GALNT2: variants seen among roughly 807,000 people sequenced by gnomAD.
GALNT2 encodes UDP-GalNAc:polypeptide N-acetylgalactosaminyltransferase 2.
In GALNT2, 31 loss-of-function variants were observed where a neutral mutation model predicts 81.4. That is an observed-to-expected ratio of 0.38 (90% confidence interval 0.29 to 0.51). The LOEUF is 0.51. Among genes scored for constraint, GALNT2 ranks in the 20% least tolerant of loss-of-function variants. GALNT2 has a pLI of 0.87. For missense variants in GALNT2, 629 were observed against 765.7 expected (o/e 0.82, Z 2.11); for synonymous variants, 303 against 287.4 (o/e 1.05, Z -0.55).
rs114381055 is a variant in GALNT2, at chr1:230,235,946, G to C, written c.375-68G>C. Reference sequence around the variant, plus strand: ...CAGTTGGTCAGTCTGCCTGTTCTCTGAAGGGCTAAACAAGCTGTGGCTGCT... The same window carrying C: ...CAGTTGGTCAGTCTGCCTGTTCTCTCAAGGGCTAAACAAGCTGTGGCTGCT... On this transcript the variant is annotated intron_variant, in intron 3 of 15. Coordinates refer to ENST00000366672, the MANE Select transcript of GALNT2 (RefSeq NM_004481.5). The C allele has an allele frequency of 1.2e-3, 1,695 of 1,464,578 alleles. 18 individuals are homozygous for C. The African/African-American group carries it at 0.021, about 18-fold the overall frequency. 90.7% of individuals were successfully genotyped at this position (1,464,578 alleles called of 1,614,324 possible). A position where few individuals can be genotyped will look rare whatever the true frequency, so the allele number is the denominator to read the frequency against.
chr1:230,118,858 A>C (rs2102798416), intron 1 of GALNT2, among the ~76,000 whole-genome samples: 1 of 152,298 alleles, frequency 6.6e-6, no homozygotes, highest in East Asian at 1.9e-4. Flanking sequence ...ATATGTAAGT[A>C]GACTCAATAG....
intron 1 of GALNT2, among the ~76,000 whole-genome samples, chr1:230,161,932 T>C (rs375039594): frequency 1.3e-5 from 2 of 152,210 alleles, no homozygotes; most frequent in African/African-American, 4.8e-5. Flanking sequence ...TCCATTTCTT[T>C]TGTGTTTCTA....
At chr1:230,253,999 C>T (rs771657865) in intron 10 of GALNT2, among the ~76,000 whole-genome samples, 2 of 152,162 alleles carry the variant, frequency 1.3e-5, no homozygotes, top group Non-Finnish European at 2.9e-5. Flanking sequence ...CTGTCATTCA[C>T]AGTAACTGTT....
At chr1:230,249,043 C>T (rs1245923148) in intron 8 of GALNT2, 141 bp from the exon 9 acceptor site, 2 of 782,230 alleles carry the variant, frequency 2.6e-6, no homozygotes, top group Non-Finnish European at 4.2e-6. Flanking sequence ...CTCTCTCCTC[C>T]ACACCTTCTT....
chr1:230,261,060 A>G (rs1223449272), intron 11 of GALNT2, among the ~76,000 whole-genome samples: 4 of 149,084 alleles, frequency 2.7e-5, no homozygotes, highest in Admixed American at 1.3e-4. Flanking sequence ...TTCCTTCCTC[A>G]TATTTAGTCA....
At chr1:230,097,866 C>G (rs1269168076) in intron 1 of GALNT2, among the ~76,000 whole-genome samples, 1 of 152,194 alleles carries the variant, frequency 6.6e-6, no homozygotes, top group Non-Finnish European at 1.5e-5. Context: ...GGACAACTTA[C>G]AAATTCTGTC....
chr1:230,262,085 C>T (rs1353106736), intron 11 of GALNT2: 3 of 152,504 alleles, frequency 2.0e-5, no homozygotes, highest in African/African-American at 7.2e-5. Flanking sequence ...TTCCCAGGAA[C>T]TCTTATCTTA....
upstream of GALNT2, among the ~76,000 whole-genome samples, chr1:230,062,626 C>T (rs1659074899): frequency 6.6e-6 from 1 of 152,164 alleles, no homozygotes; most frequent in African/African-American, 2.4e-5. Flanking sequence ...CTTTTTGTGT[C>T]TCGCTCATTT....
At position 230,203,238 on chromosome 1, in the gene GALNT2, G is replaced by C. The variant is rs775232408; in HGVS notation, c.322G>C (p.Glu108Gln). 6 of 1,614,224 alleles carry C rather than the reference G, an allele frequency of 3.7e-6. No individual in the cohort carries two copies. In the East Asian group the frequency reaches 8.9e-5, roughly 24 times the overall value. ...PYARNKFNQV[E>Q]SDKLRMDRAI... ...CGCCCGCAACAAGTTCAACCAGGTGGAGAGTGATAAGCTTCGAATGGACAG... is the reference window on the plus strand; with the variant it reads ...CGCCCGCAACAAGTTCAACCAGGTGCAGAGTGATAAGCTTCGAATGGACAG... The change falls in exon 3 of 16, where the codon GAG (glutamate) becomes CAG (glutamine). Residue 108 changes from glutamate (E) to glutamine (Q), a missense_variant. This residue lies in a region of GALNT2 where 360 missense variants were observed against 492.8 expected (regional missense o/e 0.73). Coordinates refer to ENST00000366672, the MANE Select transcript of GALNT2 (RefSeq NM_004481.5).
intron 2 of GALNT2, among the ~76,000 whole-genome samples, chr1:230,196,664 C>T (rs1443271720): frequency 1.3e-5 from 2 of 152,110 alleles, no homozygotes; most frequent in African/African-American, 4.8e-5. Context: ...TGCATTCTTG[C>T]CCCGTCCAGC....
chr1:230,267,757 TTGG>T (rs1484397530), intron 14 of GALNT2, among the ~76,000 whole-genome samples: 1 of 152,130 alleles, frequency 6.6e-6, no homozygotes, highest in Non-Finnish European at 1.5e-5. Context: ...CCAGCTGGTA[TTGG>T]TGGGGTGGGC....
chr1:230,229,662 A>C (rs1331178912), intron 3 of GALNT2, among the ~76,000 whole-genome samples: 1 of 152,186 alleles, frequency 6.6e-6, no homozygotes, highest in Non-Finnish European at 1.5e-5. Context: ...ATTGATAATC[A>C]GCAGAAAAGG....
intron 2 of GALNT2, among the ~76,000 whole-genome samples, chr1:230,180,570 G>T (rs1331881736): frequency 6.6e-6 from 1 of 151,932 alleles, no homozygotes; most frequent in Non-Finnish European, 1.5e-5. Context: ...TTCTTTCAAG[G>T]TAGTTTTAGC....
At chr1:230,205,340 G>GT (rs1201653412) in intron 3 of GALNT2, among the ~76,000 whole-genome samples, 4 of 152,002 alleles carry the variant, frequency 2.6e-5, no homozygotes, top group Non-Finnish European at 5.9e-5. Context: ...TAGCTTTACA[G>GT]TTTTTTTAGG....
At chr1:230,221,182 CA>C (rs1664536020) in intron 3 of GALNT2, among the ~76,000 whole-genome samples, 1 of 151,652 alleles carries the variant, frequency 6.6e-6, no homozygotes, top group African/African-American at 2.4e-5. Flanking sequence ...ACTTTTTTTT[CA>C]TTCAGTAATA....
chr1:230,126,645 G>A (rs1047160970), intron 1 of GALNT2, among the ~76,000 whole-genome samples: 2 of 152,194 alleles, frequency 1.3e-5, no homozygotes, highest in African/African-American at 4.8e-5. Context: ...TCTCTCCTCG[G>A]AAAAGTGTGT....
intron 1 of GALNT2, among the ~76,000 whole-genome samples, chr1:230,105,018 A>G (rs1391464922): frequency 1.3e-5 from 2 of 152,256 alleles, no homozygotes; most frequent in Non-Finnish European, 2.9e-5. Context: ...CTGTGGATTC[A>G]GACCACACCT....
intron 1 of GALNT2, among the ~76,000 whole-genome samples, chr1:230,172,862 G>C (rs1662839127): frequency 6.6e-6 from 1 of 152,152 alleles, no homozygotes; most frequent in Admixed American, 6.5e-5. Context: ...TAGTGTCATA[G>C]TATTTAGATG....
intron 1 of GALNT2, among the ~76,000 whole-genome samples, chr1:230,094,987 CG>C (rs1179645693): frequency 6.6e-6 from 1 of 152,170 alleles, no homozygotes; most frequent in Non-Finnish European, 1.5e-5. Flanking sequence ...GCACGGGCCG[CG>C]ATGATGTCGT....
Sources: allele counts gnomAD v4.1 joint callset (sites outside exome capture counted in the v4.1 genomes callset), GRCh38; gene constraint gnomAD v4.1.1; regional missense constraint gnomAD v4.1.1; transcripts MANE v1.5; gene names NCBI Gene and HGNC (gene_info 2026-07-23, HGNC 2026-07-21).